Variants in ASIC2 observed in about 807,000 individuals in gnomAD.
The protein encoded by ASIC2 is acid-sensing ion channel 2.
A neutral mutation model predicts 57.3 loss-of-function variants in ASIC2; 25 were observed. The ratio of observed to expected loss-of-function variants is 0.44; its 90% CI spans 0.32 to 0.61. The LOEUF (loss-of-function observed/expected upper bound fraction) is 0.61. ASIC2 is among the 20% of genes least tolerant of loss of function. ASIC2 has a pLI of 0.06. For synonymous variants in ASIC2, 319 were observed against 307.5 expected (o/e 1.04, Z -0.39); for missense variants, 641 against 738.1 (o/e 0.87, Z 1.52).
chr17:34,087,549 T>G (rs1284288176), intron 1 of ASIC2, among the ~76,000 whole-genome samples: 1 of 152,318 alleles, frequency 6.6e-6, no homozygotes, highest in East Asian at 1.9e-4. Flanking sequence ...AGTATCTTTG[T>G]GGCGTTCTCT....
At position 33,925,376 on chromosome 17, in the gene ASIC2, T is replaced by A. The variant is rs370615829; in HGVS notation, c.555+230602A>T. On this transcript the variant is annotated intron_variant, in intron 1 of 9. Coordinates refer to the ASIC2 transcript ENST00000359872. ...TGGTAACCCAGAAATCACTGGACCA[T>A]AGCATTCAAATGACCATTGAGTCCC... is the stretch of plus-strand genomic sequence containing the variant. 3.3e-5 allele frequency among the ~76,000 whole-genome samples: 5 copies of A among 152,326 alleles called. No individual in the cohort carries two copies. In the East Asian group the frequency reaches 7.7e-4, roughly 23 times the overall value.
intron 1 of ASIC2, among the ~76,000 whole-genome samples, chr17:33,858,933 AT>A (rs1430019353): frequency 6.6e-6 from 1 of 152,206 alleles, no homozygotes; most frequent in African/African-American, 2.4e-5. Flanking sequence ...TGACTCAGAA[AT>A]TCCTCAAGGT....
rs188386945 is a variant in ASIC2 at position 33,248,377 on chromosome 17, G to A, written c.708+43031C>T. ...GCCACTGAGATGCCTGCAGCTTTTCGTTGAATGAGAGAGGCAGCCACTGGG... is the reference window on the plus strand; with the variant it reads ...GCCACTGAGATGCCTGCAGCTTTTCATTGAATGAGAGAGGCAGCCACTGGG... On this transcript the variant is annotated intron_variant, in intron 1 of 9. Coordinates refer to ENST00000225823, the MANE Select transcript of ASIC2 (RefSeq NM_183377.2). Among the ~76,000 whole-genome samples, 15 of 152,326 alleles carry A rather than the reference G, an allele frequency of 9.8e-5. No homozygotes were observed. The East Asian group carries it at 1.2e-3, about 12-fold the overall frequency.
chr17:33,612,099 C>A (rs1597807110), intron 1 of ASIC2, among the ~76,000 whole-genome samples: 1 of 152,216 alleles, frequency 6.6e-6, no homozygotes, highest in Non-Finnish European at 1.5e-5. Flanking sequence ...TTCTTTCTTA[C>A]TCAGCCTTAT....
At chr17:33,299,608 G>A (rs945495468) in intron 1 of ASIC2, among the ~76,000 whole-genome samples, 1 of 151,976 alleles carries the variant, frequency 6.6e-6, no homozygotes, top group Non-Finnish European at 1.5e-5. Flanking sequence ...GATGCACCAA[G>A]TGGTTTTTTG....
chr17:33,525,991 C>T (rs1914875321), intron 1 of ASIC2, among the ~76,000 whole-genome samples: 1 of 152,170 alleles, frequency 6.6e-6, no homozygotes, highest in South Asian at 2.1e-4. Context: ...TCCTGCACTT[C>T]ACAGATACAA....
chr17:34,037,301 A>G (rs1907927751), intron 1 of ASIC2: 2 of 226,410 alleles, frequency 8.8e-6, no homozygotes, highest in Admixed American at 5.1e-5. Context: ...CTGAGTCTGC[A>G]TGTTTTCAAG....
intron 1 of ASIC2, among the ~76,000 whole-genome samples, chr17:33,360,993 C>T (rs958427967): frequency 4.6e-5 from 7 of 152,188 alleles, no homozygotes; most frequent in Admixed American, 3.9e-4. Flanking sequence ...TTGCAGACCA[C>T]TTTACAGAGC....
At chr17:33,324,589 G>C (rs1906994530) in intron 1 of ASIC2, among the ~76,000 whole-genome samples, 1 of 152,172 alleles carries the variant, frequency 6.6e-6, no homozygotes. Flanking sequence ...AAGACACCAA[G>C]ACTGGGTGCC....
At chr17:33,420,978 T>C (rs1468623029) in intron 1 of ASIC2, among the ~76,000 whole-genome samples, 4 of 152,356 alleles carry the variant, frequency 2.6e-5, no homozygotes, top group Admixed American at 6.5e-5. Flanking sequence ...CATTATCTTC[T>C]AGTTCTTGGT....
Position 33,631,081 on chromosome 17 carries a change from G to T in ASIC2, c.556-519014C>A, listed in dbSNP as rs150725763. Among the ~76,000 whole-genome samples the T allele has an allele frequency of 6.6e-3, 1,006 of 152,282 alleles. 17 individuals are homozygous for T. Among genetic ancestry groups the T allele is most frequent in the African/African-American group, 0.022 (920 of 41,542 alleles). Reference sequence around the variant, plus strand: ...CTGGGTAAGGAGCAAGTGGAAGGTTGTCCAATTTCTGTGGATGGGGCCCAA... The same window carrying T: ...CTGGGTAAGGAGCAAGTGGAAGGTTTTCCAATTTCTGTGGATGGGGCCCAA... On this transcript the variant is annotated intron_variant, in intron 1 of 9. Transcript: ENST00000359872.
At chr17:33,666,390 C>A (rs1388349082) in intron 1 of ASIC2, among the ~76,000 whole-genome samples, 1 of 152,178 alleles carries the variant, frequency 6.6e-6, no homozygotes, top group Non-Finnish European at 1.5e-5. Flanking sequence ...GTTGGGGTCA[C>A]AGTGCAGCGG....
chr17:33,303,223 G>A (rs1477722252), intron 1 of ASIC2, among the ~76,000 whole-genome samples: 1 of 152,226 alleles, frequency 6.6e-6, no homozygotes, highest in African/African-American at 2.4e-5. Flanking sequence ...GACAAAGTGG[G>A]TGGTGGCATA....
At chr17:34,064,109 C>T (rs1416577004) in intron 1 of ASIC2, among the ~76,000 whole-genome samples, 3 of 152,134 alleles carry the variant, frequency 2.0e-5, no homozygotes, top group African/African-American at 7.2e-5. Context: ...AAGCATCACA[C>T]TACCTGATTT....
intron 1 of ASIC2, among the ~76,000 whole-genome samples, chr17:33,774,733 A>G (rs1454205319): frequency 6.6e-6 from 1 of 152,216 alleles, no homozygotes; most frequent in Admixed American, 6.5e-5. Flanking sequence ...CAAAATGACT[A>G]GAATTCTGCT....
chr17:33,756,353 A>G (rs1910604255), intron 1 of ASIC2, among the ~76,000 whole-genome samples: 3 of 152,202 alleles, frequency 2.0e-5, no homozygotes, highest in Admixed American at 1.3e-4. Context: ...GGAATTATCT[A>G]TCAGATGCTC....
At chr17:33,194,036 G>A (rs1463538349) in intron 1 of ASIC2, among the ~76,000 whole-genome samples, 2 of 152,100 alleles carry the variant, frequency 1.3e-5, no homozygotes, top group African/African-American at 4.8e-5. Flanking sequence ...GGCAGGGGGA[G>A]GGCCGTATTC....
At chr17:33,372,273 G>A (rs543479942) in intron 1 of ASIC2, among the ~76,000 whole-genome samples, 10 of 152,126 alleles carry the variant, frequency 6.6e-5, no homozygotes, top group Admixed American at 3.9e-4. Flanking sequence ...GCTGGTGTTA[G>A]CACAGAAGTA....
At chr17:33,374,033 C>T (rs148905095) in intron 1 of ASIC2, among the ~76,000 whole-genome samples, 57 of 151,750 alleles carry the variant, frequency 3.8e-4, no homozygotes, top group African/African-American at 1.3e-3. Flanking sequence ...TTCACTCTTG[C>T]GGCCCAGGCT....
Sources: allele counts gnomAD v4.1 joint callset (sites outside exome capture counted in the v4.1 genomes callset), GRCh38; gene constraint gnomAD v4.1.1; transcripts MANE v1.5; gene names NCBI Gene and HGNC (gene_info 2026-07-23, HGNC 2026-07-21).